ITFG1: variants seen among roughly 807,000 people sequenced by gnomAD.
ITFG1 encodes T-cell immunomodulatory protein.
Under a neutral mutation model 81.8 loss-of-function variants are expected in ITFG1, and 34 were observed. That is an observed-to-expected ratio of 0.42 (90% confidence interval 0.32 to 0.55). ITFG1 has a LOEUF of 0.55. Ranked by LOEUF, ITFG1 falls within the 20% of genes least tolerant of loss-of-function variation. The pLI is 0.17. For synonymous variants in ITFG1, 285 were observed against 270.6 expected (o/e 1.05, Z -0.52); for missense variants, 672 against 755.4 (o/e 0.89, Z 1.29).
At chr16:47,192,424 C>A (rs1965303656) in intron 14 of ITFG1, among the ~76,000 whole-genome samples, 1 of 152,152 alleles carries the variant, frequency 6.6e-6, no homozygotes, top group African/African-American at 2.4e-5. Context: ...TTATTGACTT[C>A]TTCATCCTCT....
intron 6 of ITFG1, among the ~76,000 whole-genome samples, chr16:47,414,234 T>C (rs1968845969): frequency 6.6e-6 from 1 of 151,824 alleles, no homozygotes; most frequent in Non-Finnish European, 1.5e-5. Flanking sequence ...AATCCATATG[T>C]AATGGAATAA....
chr16:47,172,138 A>G (rs1964970491), intron 14 of ITFG1, among the ~76,000 whole-genome samples: 1 of 152,166 alleles, frequency 6.6e-6, no homozygotes, highest in East Asian at 1.9e-4. Flanking sequence ...ACTAAATGCT[A>G]AACATCAATA....
chr16:47,207,423 T>C (rs1008173776), intron 14 of ITFG1, among the ~76,000 whole-genome samples: 1 of 152,170 alleles, frequency 6.6e-6, no homozygotes, highest in Non-Finnish European at 1.5e-5. Context: ...CACAATAAAA[T>C]AATTAGAAGG....
Position 47,459,993 on chromosome 16 carries a change from C to T in ITFG1, c.209-818G>A, listed in dbSNP as rs965057221. The stretch of plus-strand genomic sequence containing the variant: ...TCACAGCATTGATCTTTAAGCAGCA[C>T]CTGCTTCTGTAGGTACTCAAGAACC... On this transcript the variant is annotated intron_variant, in intron 1 of 17. Transcript: ENST00000320640. Among the ~76,000 whole-genome samples, 4 of 152,202 alleles carry T rather than the reference C, an allele frequency of 2.6e-5. No homozygotes were observed. In the South Asian group the frequency reaches 8.3e-4, roughly 32 times the overall value.
At chr16:47,349,656 G>A (rs976318470) in intron 8 of ITFG1, among the ~76,000 whole-genome samples, 1 of 152,012 alleles carries the variant, frequency 6.6e-6, no homozygotes, top group Non-Finnish European at 1.5e-5. Flanking sequence ...ATCAATGAGA[G>A]AGAAAGTTAA....
chr16:47,194,718 T>C (rs529404675), intron 14 of ITFG1, among the ~76,000 whole-genome samples: 1 of 151,900 alleles, frequency 6.6e-6, no homozygotes, highest in East Asian at 1.9e-4. Flanking sequence ...ATATATATAT[T>C]TAAAACTTTA....
intron 6 of ITFG1, among the ~76,000 whole-genome samples, chr16:47,392,293 A>C (rs1211224759): frequency 6.6e-6 from 1 of 152,142 alleles, no homozygotes. Flanking sequence ...AAACCACAAA[A>C]CAAATAGATG....
At chr16:47,404,892 T>C (rs1409916545) in intron 6 of ITFG1, among the ~76,000 whole-genome samples, 1 of 152,314 alleles carries the variant, frequency 6.6e-6, no homozygotes, top group Non-Finnish European at 1.5e-5. Context: ...TTTCCATACA[T>C]GTTAAACACA....
chr16:47,456,801 T>C (rs1191173771), intron 2 of ITFG1, among the ~76,000 whole-genome samples: 2 of 150,346 alleles, frequency 1.3e-5, no homozygotes, highest in South Asian at 4.3e-4. Context: ...GTGAAGTAAA[T>C]GAGGAAATTT....
chr16:47,452,149 G>A (rs907734455), intron 4 of ITFG1, among the ~76,000 whole-genome samples: 3 of 152,254 alleles, frequency 2.0e-5, no homozygotes, highest in Middle Eastern at 6.8e-3. Flanking sequence ...ACTGCTGTAT[G>A]GGTATGATTT....
intron 14 of ITFG1, among the ~76,000 whole-genome samples, chr16:47,216,643 T>A (rs867641815): frequency 6.6e-6 from 1 of 152,094 alleles, no homozygotes; most frequent in Middle Eastern, 3.4e-3. Flanking sequence ...AAGTGAGAAT[T>A]ATTTTATTAT....
intron 6 of ITFG1, among the ~76,000 whole-genome samples, chr16:47,419,379 C>T (rs1043692657): frequency 3.3e-5 from 5 of 152,194 alleles, no homozygotes; most frequent in African/African-American, 1.2e-4. Flanking sequence ...AGCAATCCCC[C>T]CATCTCAGCC....
chr16:47,427,051 T>C (rs1969029851), intron 6 of ITFG1, among the ~76,000 whole-genome samples: 1 of 152,194 alleles, frequency 6.6e-6, no homozygotes, highest in African/African-American at 2.4e-5. Flanking sequence ...TGCAAGTGAC[T>C]AAAGAACTGA....
intron 1 of ITFG1, 142 bp from the exon 2 acceptor site, chr16:47,459,317 C>T: frequency 4.9e-6 from 3 of 607,154 alleles, no homozygotes; most frequent in East Asian, 2.8e-5. Context: ...CAAGCATAGT[C>T]CCACTAGTCC....
chr16:47,280,601 G>C (rs939708162), intron 10 of ITFG1, among the ~76,000 whole-genome samples: 10 of 152,064 alleles, frequency 6.6e-5, no homozygotes, highest in African/African-American at 2.2e-4. Flanking sequence ...ACTCATAACA[G>C]GCCCTTCCAA....
In ITFG1 at chr16:47,363,483, C is replaced by T. The variant is rs576190701; in HGVS notation, c.802+2305G>A. On this transcript the variant is annotated intron_variant, in intron 8 of 17. Coordinates refer to ENST00000320640, the MANE Select transcript of ITFG1 (RefSeq NM_030790.5). ...CCCCTGTGCTCAAGCAATTCTCCTG[C>T]CTCAGCCCCGAGAAGCTGAGACTAC... 5.9e-5 allele frequency among the ~76,000 whole-genome samples: 9 copies of T among 152,232 alleles called. No individual in the cohort carries two copies. The South Asian group carries it at 1.9e-3, about 32-fold the overall frequency.
intron 14 of ITFG1, among the ~76,000 whole-genome samples, chr16:47,178,784 C>T (rs1965061822): frequency 6.6e-6 from 1 of 152,190 alleles, no homozygotes; most frequent in South Asian, 2.1e-4. Flanking sequence ...TCAGAGTGAA[C>T]AGGCAACCTA....
intron 10 of ITFG1, among the ~76,000 whole-genome samples, chr16:47,286,582 G>A (rs1966870149): frequency 6.6e-6 from 1 of 151,748 alleles, no homozygotes; most frequent in Admixed American, 6.6e-5. Flanking sequence ...AGAGGTTGTG[G>A]TGAGCCAAGA....
chr16:47,385,270 T>A (rs1238313839), intron 6 of ITFG1, among the ~76,000 whole-genome samples: 1 of 152,210 alleles, frequency 6.6e-6, no homozygotes, highest in African/African-American at 2.4e-5. Flanking sequence ...GGCACACTCA[T>A]GGCCTCTAAT....
Sources: gnomAD v4.1 joint callset for allele counts (sites outside exome capture counted in the v4.1 genomes callset) on GRCh38, gnomAD v4.1.1 for gene constraint, MANE v1.5 for transcripts, NCBI Gene and HGNC (gene_info 2026-07-23, HGNC 2026-07-21) for gene names.